TULP2: variants seen among roughly 807,000 people sequenced by gnomAD.
TULP2 encodes the protein tubby-related protein 2.
A neutral mutation model predicts 60.3 loss-of-function variants in TULP2; 64 were observed. The observed-to-expected ratio is 1.06, with a 90% CI of 0.87 to 1.31. The LOEUF (loss-of-function observed/expected upper bound fraction) is 1.31. Ranked by LOEUF, TULP2 falls within the 50% of genes most tolerant of loss-of-function variation. TULP2 has a pLI of 0.00. For missense variants in TULP2, 652 were observed against 667.0 expected, an observed-to-expected ratio of 0.98 and a Z score of 0.25; for synonymous variants, 267 against 265.4, an observed-to-expected ratio of 1.01 and a Z score of -0.06.
rs1028871620 is a variant in TULP2 at position 48,883,774 on chromosome 19, T to G, written c.1255A>C (p.Ile419Leu). ...CTCACATTTAGTGGCTGGACATTGA[T>G]TCGCTGGTTCTGGCTGTTGGTTCCT... ...LPGTNSQNQR[I>L]NVQPLNEQES... is the part of the protein sequence containing the mutation. The change falls in exon 11 of 13, where the codon ATC becomes CTC. Residue 419 changes from isoleucine to leucine, a missense_variant. Ile to Leu is a conservative substitution (Grantham distance 5). Transcript: ENST00000221399. 5.6e-6 allele frequency: 9 copies of G among 1,613,990 alleles called. No individual in the cohort carries two copies. In the African/African-American group the frequency reaches 1.2e-4, roughly 22 times the overall value.
Position 48,895,005 on chromosome 19 carries a change from T to C in TULP2, c.507A>G (p.Gln169=), listed in dbSNP as rs761365713. 64 of 1,612,322 alleles carry C rather than the reference T, an allele frequency of 4.0e-5. No individual in the cohort carries two copies. The highest frequency in any genetic ancestry group is 5.2e-5 in the Non-Finnish European group (61 of 1,179,512). Residue 169 remains glutamine, a synonymous_variant, in exon 6 of 13, where the codon CAA becomes CAG. Transcript: ENST00000221399. The stretch of plus-strand genomic sequence containing the variant: ...CAATGTCCCCTAAATTACCAGGTCG[T>C]TGGTGGGCTTGCCAACCCTTGCGTC... ...RIRRKGWQAH[Q]RPGTRAEGES...
intron 8 of TULP2, among the ~76,000 whole-genome samples, chr19:48,885,867 A>G (rs2037175239): frequency 6.6e-6 from 1 of 151,906 alleles, no homozygotes; most frequent in African/African-American, 2.4e-5. Flanking sequence ...CCTGGGCAAT[A>G]GACTGAGACT....
chr19:48,885,293 A>G (rs1306772181), intron 9 of TULP2, among the ~76,000 whole-genome samples, 155 bp downstream of exon 9: 2 of 152,106 alleles, frequency 1.3e-5, no homozygotes, highest in African/African-American at 2.4e-5. Context: ...CAAGGAGTCA[A>G]ATGCCTTAAA....
chr19:48,888,049 GC>G lies in TULP2; in HGVS notation c.848del (p.Gly283AlafsTer3). On this transcript the variant is annotated frameshift_variant, in exon 8 of 13. Transcript: ENST00000221399. LOFTEE classifies it high-confidence loss of function. ...EAYVLRPALP[G>X]TMMQCYLTRD... ...GGGTGAGGTAGCACTGCATCATGGT[GC>G]CCGGGAGCGCTGGCCGCAGCACGTA... The G allele has an allele frequency of 6.2e-7, 1 of 1,614,196 alleles. No individual in the cohort carries two copies. Among genetic ancestry groups the G allele is most frequent in the East Asian group, 2.2e-5 (1 of 44,884 alleles).
At position 48,887,468 on chromosome 19, in the gene TULP2, G is replaced by T. The variant is rs369208387; in HGVS notation, c.948+482C>A. ...GCCTCCCGAGTAGCTTGGACTACAG[G>T]CACATACCACCATGCCCAACCAATT... On this transcript the variant is annotated intron_variant, in intron 8 of 12. Coordinates refer to ENST00000221399, the MANE Select transcript of TULP2 (RefSeq NM_003323.3). Among the ~76,000 whole-genome samples, 167 of 151,584 alleles carry T rather than the reference G, an allele frequency of 1.1e-3. 5 individuals are homozygous for T. The South Asian group carries it at 0.034, about 31-fold the overall frequency.
chr19:48,884,360 C>G (rs2037160837), intron 9 of TULP2, among the ~76,000 whole-genome samples: 1 of 152,054 alleles, frequency 6.6e-6, no homozygotes, highest in Non-Finnish European at 1.5e-5. Flanking sequence ...GGGAGGATCA[C>G]CTGAGCCCCA....
intron 7 of TULP2, 37 bp downstream of exon 7, chr19:48,889,470 CTCT>C: frequency 1.3e-6 from 2 of 1,559,874 alleles, no homozygotes; most frequent in Non-Finnish European, 1.8e-6. Context: ...GAGGCTAGCC[CTCT>C]TCTTCCAATA....
rs1298673112 is a variant in TULP2 at position 48,881,296 on chromosome 19, A to G, written c.1448-170T>C. Among the ~76,000 whole-genome samples the G allele has an allele frequency of 7.9e-5, 9 of 114,072 alleles. No homozygotes were observed. In the East Asian group the frequency reaches 2.3e-3, roughly 29 times the overall value. 74.8% of individuals were successfully genotyped at this position (114,072 alleles called of 152,430 possible). A position where few individuals can be genotyped will look rare whatever the true frequency, so the allele number is the denominator to read the frequency against. On this transcript the variant is annotated intron_variant, in intron 12 of 12. Coordinates refer to ENST00000221399, the MANE Select transcript of TULP2 (RefSeq NM_003323.3). The stretch of plus-strand genomic sequence containing the variant: ...CTGATCTTGGCTCACTGCAACCTCC[A>G]CCTCCCAGGTTCAAGCAGTTCTTCT...
chr19:48,895,477 T>C lies in TULP2; in HGVS notation c.238A>G (p.Lys80Glu). Residue 80 changes from lysine (K) to glutamate (E), a missense_variant, in exon 5 of 13, where the codon AAA (lysine) becomes GAA (glutamate). Coordinates refer to ENST00000221399, the MANE Select transcript of TULP2 (RefSeq NM_003323.3). ...RGLGNPFLRKKVSEAHLPSGI... is the reference protein window; with the variant it reads ...RGLGNPFLRKEVSEAHLPSGI... ...GAGGGCAGATGTGCCTCTGACACTT[T>C]CTTCCGGAGGAAAGGGTTCCCAAGG... The C allele has an allele frequency of 1.2e-6, 2 of 1,610,944 alleles. No individual in the cohort carries two copies. Among genetic ancestry groups the C allele is most frequent in the South Asian group, 1.1e-5 (1 of 90,980 alleles).
intron 11 of TULP2, among the ~76,000 whole-genome samples, chr19:48,883,005 G>A (rs1213049273): frequency 6.6e-6 from 1 of 152,136 alleles, no homozygotes; most frequent in Non-Finnish European, 1.5e-5. Flanking sequence ...GAATCACGAG[G>A]TCAGGAGATC....
intron 11 of TULP2, among the ~76,000 whole-genome samples, chr19:48,882,798 C>G (rs990346278): frequency 2.6e-5 from 4 of 152,188 alleles, no homozygotes; most frequent in African/African-American, 7.2e-5. Context: ...TGGACCGGTA[C>G]AAGCATGCCA....
At chr19:48,896,616 G>A in intron 3 of TULP2, 60 bp from the exon 4 acceptor site, 1 of 1,516,278 alleles carries the variant, frequency 6.6e-7, no homozygotes, top group Admixed American at 2.2e-5. Flanking sequence ...ACAGAAGTGA[G>A]GTGGGGCCTG....
At chr19:48,883,519 TG>T (rs984683921) in intron 11 of TULP2, among the ~76,000 whole-genome samples, 7 of 152,164 alleles carry the variant, frequency 4.6e-5, no homozygotes, top group African/African-American at 1.4e-4. Context: ...GACCCCTTTT[TG>T]GTAAGTTTGT....
At chr19:48,896,197 C>G (rs1245771103) in intron 4 of TULP2, among the ~76,000 whole-genome samples, 2 of 152,166 alleles carry the variant, frequency 1.3e-5, no homozygotes, top group African/African-American at 2.4e-5. Context: ...CCCCTGCGCT[C>G]TGTAGCCCTG....
At position 48,897,891 on chromosome 19, in the gene TULP2, G is replaced by A; in HGVS notation, c.-1-22C>T. ...CATTCTGCAGAAGCAAGAATGAGGAGTCAGGATCAGAACCAACATCCCAAT... is the reference window on the plus strand; with the variant it reads ...CATTCTGCAGAAGCAAGAATGAGGAATCAGGATCAGAACCAACATCCCAAT... On this transcript the variant is annotated intron_variant, in intron 1 of 12. Coordinates refer to ENST00000221399, the MANE Select transcript of TULP2 (RefSeq NM_003323.3). The surrounding 1 kb of genome is among the most constrained non-coding windows in gnomAD (Gnocchi z 4.0). 6.2e-7 allele frequency: 1 copy of A among 1,610,928 alleles called. No homozygotes were observed. The highest frequency in any genetic ancestry group is 8.5e-7 in the Non-Finnish European group (1 of 1,178,622).
chr19:48,896,681 C>G (rs1291037858), intron 3 of TULP2, 125 bp from the exon 4 acceptor site: 59 of 1,204,600 alleles, frequency 4.9e-5, no homozygotes, highest in Admixed American at 1.2e-4. Context: ...CCACTGGGGC[C>G]CACACGTCCA....
chr19:48,890,716 C>T (rs1023998109), intron 6 of TULP2, among the ~76,000 whole-genome samples: 7 of 152,118 alleles, frequency 4.6e-5, no homozygotes, highest in African/African-American at 1.4e-4. Flanking sequence ...AGTCCCTACT[C>T]ATGACTCAGC....
In TULP2 at chr19:48,887,977, G is replaced by C; in HGVS notation, c.921C>G (p.Leu307=). The C allele has an allele frequency of 6.2e-7, 1 of 1,613,118 alleles. No homozygotes were observed. Among genetic ancestry groups the C allele is most frequent in the Non-Finnish European group, 8.5e-7 (1 of 1,179,154 alleles). Residue 307 remains leucine (L), a synonymous_variant, in exon 8 of 13, where the codon CTC becomes CTG. Transcript: ENST00000221399. The stretch of plus-strand genomic sequence containing the variant: ...GCAGGCTGTCAGAGGTCTCCAGGTA[G>C]AGGTAGTAGAGGGGGAACAAGCCCT... ...VDKGLFPLYY[L]YLETSDSLQR...
intron 8 of TULP2, 83 bp downstream of exon 8, chr19:48,887,867 T>A: frequency 1.4e-6 from 2 of 1,477,944 alleles, no homozygotes; most frequent in Non-Finnish European, 1.9e-6. Flanking sequence ...CCCAGGCTGG[T>A]CTTGACCTAG....
Sources: gnomAD v4.1 joint callset for allele counts (sites outside exome capture counted in the v4.1 genomes callset) on GRCh38, gnomAD v4.1.1 for gene constraint, Gnocchi (gnomAD v3.1) non-coding constraint, MANE v1.5 for transcripts, NCBI Gene and HGNC (gene_info 2026-07-23, HGNC 2026-07-21) for gene names.